Variants in SYNPO2 observed in about 807,000 individuals in gnomAD.
SYNPO2 encodes synaptopodin-2.
In SYNPO2, 56 loss-of-function variants were observed where a neutral mutation model predicts 85.0. The observed-to-expected ratio is 0.66, with a 90% CI of 0.53 to 0.82. SYNPO2 has a LOEUF of 0.82. Ranked by LOEUF, SYNPO2 falls within the 40% of genes least tolerant of loss-of-function variation. The pLI, the probability that SYNPO2 is intolerant of heterozygous loss-of-function variation, is 0.00. For missense variants in SYNPO2, 1,575 were observed against 1,534.2 expected, an observed-to-expected ratio of 1.03 and a Z score of -0.44; for synonymous variants, 602 against 591.1, an observed-to-expected ratio of 1.02 and a Z score of -0.27.
At chr4:119,036,950 ACTCCTACAGGGTCCTAGAGTTT>A (rs1738538159) in intron 4 of SYNPO2, 2 of 1,231,878 alleles carry the variant, frequency 1.6e-6, no homozygotes, top group African/African-American at 3.1e-5. Flanking sequence ...AGAAAGCTAG[ACTCCTACAGGGTCCTAGAGTTT>A]AAGTAATTTT....
At chr4:118,939,498 G>A (rs974714201) in intron 1 of SYNPO2, among the ~76,000 whole-genome samples, 10 of 152,176 alleles carry the variant, frequency 6.6e-5, no homozygotes, top group Non-Finnish European at 1.5e-4. Flanking sequence ...GTTAAGCTTT[G>A]TAGGCTTTTG....
At chr4:118,853,821 G>A (rs1429192725) in intron 1 of SYNPO2, among the ~76,000 whole-genome samples, 2 of 152,140 alleles carry the variant, frequency 1.3e-5, no homozygotes, top group Non-Finnish European at 2.9e-5. Flanking sequence ...CTGCCAATTA[G>A]CAGTGTCATG....
Position 119,059,775 on chromosome 4 carries a change from G to A in SYNPO2, c.*1841G>A, listed in dbSNP as rs1170871282. On this transcript the variant is annotated 3_prime_UTR_variant, in exon 5 of 5. Transcript: ENST00000307142. ...AAAAAAAGTAAAGAAATCACAGTAA[G>A]TTCTATTAGTGATGATAGAACCAGA... 6.6e-6 allele frequency: 1 copy of A among 151,900 alleles called. No homozygotes were observed. Among genetic ancestry groups the A allele is most frequent in the Non-Finnish European group, 1.5e-5 (1 of 67,952 alleles). The allele number at this position is 151,900 out of a possible 1,614,324, so 9.4% of individuals were successfully genotyped here.
At chr4:118,915,594 A>G (rs1018233984) in intron 1 of SYNPO2, among the ~76,000 whole-genome samples, 4 of 152,040 alleles carry the variant, frequency 2.6e-5, no homozygotes, top group Non-Finnish European at 5.9e-5. Flanking sequence ...TCTCTTGTTG[A>G]TGGGCATCTG....
At chr4:118,946,282 A>G (rs959330317) in intron 1 of SYNPO2, among the ~76,000 whole-genome samples, 14 of 152,134 alleles carry the variant, frequency 9.2e-5, no homozygotes, top group Admixed American at 4.6e-4. Flanking sequence ...ATATGGTTTT[A>G]TTTTCTGTAT....
intron 1 of SYNPO2, among the ~76,000 whole-genome samples, chr4:118,974,065 A>C (rs1336996559): frequency 6.6e-6 from 1 of 152,236 alleles, no homozygotes; most frequent in Non-Finnish European, 1.5e-5. Context: ...TTTTGAAAAG[A>C]GAGTTGAGAA....
intron 4 of SYNPO2, among the ~76,000 whole-genome samples, chr4:119,040,928 G>T (rs1229329696): frequency 1.3e-5 from 2 of 152,196 alleles, no homozygotes; most frequent in Non-Finnish European, 2.9e-5. Context: ...CCTTGCCTGA[G>T]AGGCATGATC....
At chr4:118,919,113 A>G (rs1578549824) in intron 1 of SYNPO2, among the ~76,000 whole-genome samples, 1 of 152,322 alleles carries the variant, frequency 6.6e-6, no homozygotes, top group East Asian at 1.9e-4. Context: ...CATGTGCACA[A>G]GTATTCAAAA....
At chr4:118,920,193 C>T (rs116789160) in intron 1 of SYNPO2, among the ~76,000 whole-genome samples, 7 of 151,906 alleles carry the variant, frequency 4.6e-5, no homozygotes, top group Non-Finnish European at 7.4e-5. Flanking sequence ...GATATTTGAG[C>T]GGAATTTAGA....
At position 119,058,081 on chromosome 4, in the gene SYNPO2, TG is replaced by T. The variant is rs1739273923; in HGVS notation, c.*148del. 1.5e-6 allele frequency: 1 copy of T among 648,010 alleles called. No homozygotes were observed. Among genetic ancestry groups the T allele is most frequent in the Non-Finnish European group, 2.5e-6 (1 of 399,792 alleles). The allele number at this position is 648,010 out of a possible 1,614,324, so 40.1% of individuals were successfully genotyped here. On this transcript the variant is annotated 3_prime_UTR_variant, in exon 5 of 5. Transcript: ENST00000307142. The stretch of plus-strand genomic sequence containing the variant: ...ATTTATCTAAGTTTGTGTTTCTGTG[TG>T]TGTGTGTGTGTGTGTATGTATGTGA...
At chr4:118,883,231 CTTTA>C (rs1732141347) in intron 1 of SYNPO2, among the ~76,000 whole-genome samples, 1 of 152,038 alleles carries the variant, frequency 6.6e-6, no homozygotes, top group African/African-American at 2.4e-5. Context: ...TGCTGTAATG[CTTTA>C]TTTTTCTCCA....
intron 1 of SYNPO2, among the ~76,000 whole-genome samples, chr4:118,866,088 T>A (rs539251291): frequency 2.0e-5 from 3 of 152,316 alleles, no homozygotes; most frequent in South Asian, 2.1e-4. Context: ...AAGTCAGGAA[T>A]AAGAATTATA....
chr4:119,000,236 G>T (rs1736775372), intron 1 of SYNPO2, among the ~76,000 whole-genome samples: 1 of 152,146 alleles, frequency 6.6e-6, no homozygotes, highest in African/African-American at 2.4e-5. Context: ...ACTGACACAG[G>T]TAGGGGATGT....
chr4:118,888,944 G>C lies in SYNPO2; in HGVS notation c.-93G>C. Reference sequence around the variant, plus strand: ...CTGCATTACCCAGTCTTGCGTCCTCGGCAGGCGCCCGAAGCTGAGTGCGCA... The same window carrying C: ...CTGCATTACCCAGTCTTGCGTCCTCCGCAGGCGCCCGAAGCTGAGTGCGCA... On this transcript the variant is annotated 5_prime_UTR_variant, in exon 1 of 5. Transcript: ENST00000307142. 2 of 1,309,858 alleles carry C rather than the reference G, an allele frequency of 1.5e-6. No homozygotes were observed. Among genetic ancestry groups the C allele is most frequent in the South Asian group, 1.2e-5 (1 of 84,126 alleles). 81.1% of individuals were successfully genotyped at this position (1,309,858 alleles called of 1,614,324 possible).
rs1739253347 is a variant in SYNPO2, at chr4:119,057,638, G to A, written c.3490G>A (p.Ala1164Thr). 1 of 1,614,138 alleles carries A rather than the reference G, an allele frequency of 6.2e-7. No individual in the cohort carries two copies. Among genetic ancestry groups the A allele is most frequent in the South Asian group, 1.1e-5 (1 of 91,068 alleles). ...ESIVANVVSA[A>T]RRKVLPGPPE... ...CATTGTGGCAAATGTGGTTTCAGCA[G>A]CTCGGAGGAAGGTGCTTCCAGGGCC... Residue 1164 changes from alanine to threonine, a missense_variant, in exon 5 of 5, where the codon GCT becomes ACT. By Grantham distance (58) the Ala-to-Thr change is moderately conservative. Transcript: ENST00000307142.
intron 1 of SYNPO2, among the ~76,000 whole-genome samples, chr4:118,879,907 G>T (rs1457614553): frequency 6.6e-6 from 1 of 151,878 alleles, no homozygotes; most frequent in Non-Finnish European, 1.5e-5. Context: ...GAGGCCTGTT[G>T]CCTGTCAGCA....
Position 118,889,046 on chromosome 4 carries a change from G to T in SYNPO2, c.10G>T (p.Gly4Trp), listed in dbSNP as rs1732278286. 6.2e-7 allele frequency: 1 copy of T among 1,614,056 alleles called. No homozygotes were observed. The highest frequency in any genetic ancestry group is 1.3e-5 in the African/African-American group (1 of 74,926). MGT[G>W]DFICISMTGG... ...CAACTAAAAGGAAAACATGGGCACA[G>T]GGGATTTTATCTGCATTTCCATGAC... The change falls in exon 1 of 5, where the codon GGG becomes TGG. Residue 4 changes from glycine to tryptophan, a missense_variant. Physicochemically the swap from Gly to Trp is radical, Grantham distance 184 (BLOSUM62 -2). Around this residue, in one of 3 missense-constraint regions of SYNPO2, gnomAD observed 55 missense variants for 55.5 expected, o/e 0.99. Coordinates refer to ENST00000307142, the MANE Select transcript of SYNPO2 (RefSeq NM_133477.3).
intron 1 of SYNPO2, among the ~76,000 whole-genome samples, chr4:118,909,263 G>A (rs1002199251): frequency 3.3e-5 from 5 of 152,198 alleles, no homozygotes; most frequent in Admixed American, 2.0e-4. Flanking sequence ...TGACATACAC[G>A]TAGACATCTA....
chr4:119,057,982 C>A lies in SYNPO2; in HGVS notation c.*48C>A, dbSNP rs371757070. The A allele has an allele frequency of 1.4e-5, 22 of 1,521,710 alleles. No individual in the cohort carries two copies. The highest frequency in any genetic ancestry group is 1.9e-5 in the Non-Finnish European group (21 of 1,129,492). The allele number at this position is 1,521,710 out of a possible 1,614,324, so 94.3% of individuals were successfully genotyped here. Reference sequence around the variant, plus strand: ...GCCAACTGTAGTTTTTTAAAAAAAACGCTCCTTTGTAGGGTTTTAAACTTT... The same window carrying A: ...GCCAACTGTAGTTTTTTAAAAAAAAAGCTCCTTTGTAGGGTTTTAAACTTT... On this transcript the variant is annotated 3_prime_UTR_variant, in exon 5 of 5. Transcript: ENST00000307142.
Sources: gnomAD v4.1 joint callset for allele counts (sites outside exome capture counted in the v4.1 genomes callset) on GRCh38, gnomAD v4.1.1 for gene constraint, gnomAD v4.1.1 regional missense constraint, MANE v1.5 for transcripts, NCBI Gene and HGNC (gene_info 2026-07-23, HGNC 2026-07-21) for gene names.